TSPAN18: variants seen among roughly 807,000 people sequenced by gnomAD.
TSPAN18 encodes tetraspanin-18.
In TSPAN18, 14 loss-of-function variants were observed where a neutral mutation model predicts 27.3. The ratio of observed to expected loss-of-function variants is 0.51; its 90% CI spans 0.34 to 0.80. The LOEUF is 0.80. TSPAN18 is among the 30% of genes least tolerant of loss of function. The pLI is 0.01. For synonymous variants in TSPAN18, 143 were observed against 136.5 expected (o/e 1.05, Z -0.33); for missense variants, 268 against 323.9 (o/e 0.83, Z 1.32).
At chr11:44,884,702 A>T (rs1276187941) in intron 3 of TSPAN18, among the ~76,000 whole-genome samples, 2 of 152,148 alleles carry the variant, frequency 1.3e-5, no homozygotes, top group Non-Finnish European at 2.9e-5. Context: ...GACCCTCATG[A>T]TGACACTGGG....
chr11:44,887,410 C>T (rs555482907), intron 3 of TSPAN18, among the ~76,000 whole-genome samples: 1 of 152,324 alleles, frequency 6.6e-6, no homozygotes, highest in South Asian at 2.1e-4. Flanking sequence ...AGCTCCTCAG[C>T]AGTGGTATAG....
At chr11:44,844,715 T>C (rs1415663166) in intron 2 of TSPAN18, among the ~76,000 whole-genome samples, 1 of 152,262 alleles carries the variant, frequency 6.6e-6, no homozygotes, top group Non-Finnish European at 1.5e-5. Flanking sequence ...AGGAGTTCTT[T>C]ATATATTTCG....
rs778749267 is a variant in TSPAN18, at chr11:44,909,836, C to T, written c.195C>T (p.Leu65=). The T allele has an allele frequency of 3.1e-6, 5 of 1,614,088 alleles. No homozygotes were observed. The highest frequency in any genetic ancestry group is 4.5e-5 in the East Asian group (2 of 44,878). The change falls in exon 5 of 10, where the codon CTC becomes CTT. Residue 65 remains leucine (L), a synonymous_variant. Coordinates refer to ENST00000520358, the MANE Select transcript of TSPAN18 (RefSeq NM_130783.5). The part of the protein sequence containing the change: ...AYILLAMGGL[L]FLLGFLGCCG... ...TCCTCCTGGCCATGGGGGGCCTGCTCTTTCTGCTCGGCTTCCTGGGCTGCT... is the reference window on the plus strand; with the variant it reads ...TCCTCCTGGCCATGGGGGGCCTGCTTTTTCTGCTCGGCTTCCTGGGCTGCT...
chr11:44,828,180 C>T (rs1857082958), intron 2 of TSPAN18, among the ~76,000 whole-genome samples: 1 of 152,034 alleles, frequency 6.6e-6, no homozygotes, highest in Admixed American at 6.5e-5. Context: ...TTTGGAGATG[C>T]GTATGGTCTT....
intron 2 of TSPAN18, among the ~76,000 whole-genome samples, chr11:44,831,460 C>G (rs934904762): frequency 1.3e-5 from 2 of 152,192 alleles, no homozygotes; most frequent in African/African-American, 4.8e-5. Context: ...CTCACCTAGG[C>G]CCTCACAAGC....
chr11:44,768,885 C>T (rs57498825), intron 2 of TSPAN18, among the ~76,000 whole-genome samples: 11,647 of 138,214 alleles, frequency 0.084, 748 homozygotes, highest in African/African-American at 0.18. Flanking sequence ...ATGGATTATA[C>T]TATTTGATTT....
At chr11:44,868,690 G>A (rs1858105511) in intron 3 of TSPAN18, among the ~76,000 whole-genome samples, 1 of 152,222 alleles carries the variant, frequency 6.6e-6, no homozygotes, top group South Asian at 2.1e-4. Flanking sequence ...CCAGCCACTG[G>A]CCGGGAGGAG....
At chr11:44,840,596 G>A (rs1328466071) in intron 2 of TSPAN18, among the ~76,000 whole-genome samples, 1 of 152,166 alleles carries the variant, frequency 6.6e-6, no homozygotes, top group Non-Finnish European at 1.5e-5. Context: ...GAGAGGTGAG[G>A]CACAGATTCC....
chr11:44,880,182 G>A (rs1208997711), intron 3 of TSPAN18, among the ~76,000 whole-genome samples: 1 of 152,218 alleles, frequency 6.6e-6, no homozygotes, highest in African/African-American at 2.4e-5. Context: ...TGCCAGAAGA[G>A]CGCCAGGATG....
intron 2 of TSPAN18, among the ~76,000 whole-genome samples, chr11:44,848,720 C>T (rs888321374): frequency 1.3e-5 from 2 of 152,230 alleles, no homozygotes; most frequent in African/African-American, 4.8e-5. Flanking sequence ...CCCCATTCCC[C>T]CTCTTTCTTC....
At chr11:44,773,515 C>A (rs1855737340) in intron 2 of TSPAN18, among the ~76,000 whole-genome samples, 1 of 151,942 alleles carries the variant, frequency 6.6e-6, no homozygotes, top group Non-Finnish European at 1.5e-5. Flanking sequence ...CAAAGCAGAG[C>A]ATTTTATCAC....
chr11:44,790,233 G>GT (rs1479454876), intron 2 of TSPAN18, among the ~76,000 whole-genome samples: 4 of 151,152 alleles, frequency 2.6e-5, no homozygotes, highest in Non-Finnish European at 4.4e-5. Context: ...ATGTCCATGT[G>GT]TTTGTGTGTG....
chr11:44,805,221 A>G (rs1856567243), intron 2 of TSPAN18, among the ~76,000 whole-genome samples: 1 of 152,238 alleles, frequency 6.6e-6, no homozygotes, highest in African/African-American at 2.4e-5. Context: ...CTTGGCAGAA[A>G]GAAAGGCAGC....
chr11:44,845,792 C>T (rs954082866), intron 2 of TSPAN18, among the ~76,000 whole-genome samples: 1 of 152,206 alleles, frequency 6.6e-6, no homozygotes, highest in African/African-American at 2.4e-5. Context: ...CCTTGACACT[C>T]TCCAGGGCAC....
In TSPAN18 at chr11:44,856,181, C is replaced by T. The variant is rs187498816; in HGVS notation, c.-152-4147C>T. ...TACAGGCATGAGCCACCGTGCCCAG[C>T]CTTCTTGCTGCTTTTAATCTCCTGG... On this transcript the variant is annotated intron_variant, in intron 2 of 9. Transcript: ENST00000520358. Among the ~76,000 whole-genome samples the T allele has an allele frequency of 1.1e-3, 164 of 152,272 alleles. 1 individual carries two copies. Among genetic ancestry groups the T allele is most frequent in the Middle Eastern group, 6.8e-3 (2 of 294 alleles).
chr11:44,919,629 G>C, intron 7 of TSPAN18, 188 bp from the exon 8 acceptor site: 1 of 654,786 alleles, frequency 1.5e-6, no homozygotes, highest in South Asian at 1.8e-5. Context: ...CTCTGTTATA[G>C]AGATGAGGAC....
At chr11:44,928,728 G>A (rs1420805280) in intron 9 of TSPAN18, among the ~76,000 whole-genome samples, 1 of 152,200 alleles carries the variant, frequency 6.6e-6, no homozygotes, top group Non-Finnish European at 1.5e-5. Flanking sequence ...AGAGGTTGCA[G>A]TGAGCTGAGA....
intron 5 of TSPAN18, among the ~76,000 whole-genome samples, chr11:44,912,870 ATGTGCACATGTGCCTGTG>A (rs900736680): frequency 3.7e-5 from 5 of 136,400 alleles, no homozygotes; most frequent in African/African-American, 5.7e-5. Context: ...ATATATATGC[ATGTGCACATGTGCCTGTG>A]TGTGCACATG....
At chr11:44,762,511 A>C (rs1855476658) in intron 1 of TSPAN18, among the ~76,000 whole-genome samples, 1 of 152,232 alleles carries the variant, frequency 6.6e-6, no homozygotes, top group South Asian at 2.1e-4. Context: ...TCTCTCTGTT[A>C]AACAGGATGG....
Sources: allele counts gnomAD v4.1 joint callset (sites outside exome capture counted in the v4.1 genomes callset), GRCh38; gene constraint gnomAD v4.1.1; transcripts MANE v1.5; gene names NCBI Gene and HGNC (gene_info 2026-07-23, HGNC 2026-07-21).